PDZRN4: variants seen among roughly 807,000 people sequenced by gnomAD.
PDZRN4 encodes PDZ domain containing ring finger 4, also known as PDZ domain-containing RING finger protein 4.
A neutral mutation model predicts 99.0 loss-of-function variants in PDZRN4; 70 were observed. That is an observed-to-expected ratio of 0.71 (90% CI 0.58 to 0.86). The LOEUF (loss-of-function observed/expected upper bound fraction) is 0.86, where lower values mean the gene tolerates loss of function less well. Among genes scored for constraint, PDZRN4 ranks in the 40% least tolerant of loss-of-function variants. The pLI is 0.00. For missense variants in PDZRN4, 1,474 were observed against 1,331.2 expected, an observed-to-expected ratio of 1.11 and a Z score of -1.67; for synonymous variants, 551 against 501.6, an observed-to-expected ratio of 1.10 and a Z score of -1.32.
chr12:41,326,304 G>A (rs548559910), intron 3 of PDZRN4, among the ~76,000 whole-genome samples: 72 of 152,088 alleles, frequency 4.7e-4, no homozygotes, highest in African/African-American at 1.7e-3. Flanking sequence ...GACCATAACC[G>A]GTAGCAATGC....
In PDZRN4 at chr12:41,302,935, T is replaced by TACACAC. The variant is rs71846165; in HGVS notation, c.843+108770_843+108775dup. Among the ~76,000 whole-genome samples the TACACAC allele has an allele frequency of 7.5e-3, 959 of 127,220 alleles. 5 individuals carry two copies. Among genetic ancestry groups the TACACAC allele is most frequent in the African/African-American group, 0.011 (436 of 39,168 alleles). The allele number at this position is 127,220 out of a possible 152,430, so 83.5% of individuals were successfully genotyped here. Reference sequence around the variant, plus strand: ...CCTGATTTCATATATATATATAAAATACACACACACACACACACACACACA... The same window carrying TACACAC: ...CCTGATTTCATATATATATATAAAATACACACACACACACACACACACACACACACA... On this transcript the variant is annotated intron_variant, in intron 3 of 9. Transcript: ENST00000402685.
intron 3 of PDZRN4, among the ~76,000 whole-genome samples, chr12:41,383,495 C>T (rs1300744411): frequency 1.3e-5 from 2 of 152,168 alleles, no homozygotes; most frequent in African/African-American, 4.8e-5. Context: ...ACTGAGTTTT[C>T]ATGATTAGCA....
chr12:41,253,228 C>CA (rs112788919), intron 3 of PDZRN4, among the ~76,000 whole-genome samples: 4,635 of 152,146 alleles, frequency 0.03, 118 homozygotes, highest in East Asian at 0.076. Flanking sequence ...AAGTCTTACA[C>CA]AAAAAAATCT....
At chr12:41,422,909 C>T (rs766047079) in intron 3 of PDZRN4, among the ~76,000 whole-genome samples, 1 of 152,014 alleles carries the variant, frequency 6.6e-6, no homozygotes, top group Admixed American at 6.6e-5. Flanking sequence ...GGCATTTATC[C>T]AAGACACTTG....
chr12:41,542,824 T>C (rs1478571909), intron 5 of PDZRN4, among the ~76,000 whole-genome samples: 2 of 152,184 alleles, frequency 1.3e-5, no homozygotes, highest in Non-Finnish European at 2.9e-5. Context: ...TGTTTTTTTT[T>C]CTAAAAAATC....
intron 3 of PDZRN4, among the ~76,000 whole-genome samples, chr12:41,469,004 G>T (rs1402467936): frequency 1.8e-5 from 2 of 108,318 alleles, no homozygotes; most frequent in Non-Finnish European, 3.7e-5. Context: ...GCAAGATTCT[G>T]TCTCAAAAAA....
At chr12:41,218,688 T>G (rs1482167953) in intron 3 of PDZRN4, among the ~76,000 whole-genome samples, 2 of 152,112 alleles carry the variant, frequency 1.3e-5, no homozygotes, top group Non-Finnish European at 2.9e-5. Flanking sequence ...TTAAAAATCA[T>G]TAACTGCAAC....
intron 3 of PDZRN4, among the ~76,000 whole-genome samples, chr12:41,282,627 A>G (rs1046249595): frequency 6.6e-6 from 1 of 152,176 alleles, no homozygotes; most frequent in Non-Finnish European, 1.5e-5. Flanking sequence ...TGGAAATAAA[A>G]CAATCCTCAG....
intron 3 of PDZRN4, among the ~76,000 whole-genome samples, chr12:41,378,564 C>T (rs1952099013): frequency 8.7e-6 from 1 of 114,342 alleles, no homozygotes; most frequent in Admixed American, 1.1e-4. Flanking sequence ...CTCTTATCAC[C>T]TAGACTGGAG....
At chr12:41,201,325 C>T (rs2120664875) in intron 3 of PDZRN4, among the ~76,000 whole-genome samples, 1 of 152,122 alleles carries the variant, frequency 6.6e-6, no homozygotes. Context: ...ATCCTCTACT[C>T]CTGGAAGCCC....
chr12:41,565,935 A>G (rs947923864), intron 8 of PDZRN4, among the ~76,000 whole-genome samples: 5 of 152,160 alleles, frequency 3.3e-5, no homozygotes, highest in Non-Finnish European at 1.5e-5. Context: ...CTTTTCCTGC[A>G]GCTCAGCTCA....
chr12:41,307,457 T>G (rs965708810), intron 3 of PDZRN4, among the ~76,000 whole-genome samples: 1 of 152,182 alleles, frequency 6.6e-6, no homozygotes, highest in African/African-American at 2.4e-5. Context: ...CCTACCTTCA[T>G]GGCCTCATTG....
At chr12:41,373,441 G>C (rs951677471) in intron 3 of PDZRN4, among the ~76,000 whole-genome samples, 4 of 152,132 alleles carry the variant, frequency 2.6e-5, no homozygotes, top group Non-Finnish European at 5.9e-5. Flanking sequence ...CCTACCCTCA[G>C]GGATGCATTC....
intron 3 of PDZRN4, among the ~76,000 whole-genome samples, chr12:41,493,086 G>A (rs755561665): frequency 6.6e-6 from 1 of 152,116 alleles, no homozygotes; most frequent in East Asian, 1.9e-4. Flanking sequence ...TTTTCAGCCC[G>A]ATGATTCTTC....
At chr12:41,305,712 C>T (rs944942390) in intron 3 of PDZRN4, among the ~76,000 whole-genome samples, 2 of 152,156 alleles carry the variant, frequency 1.3e-5, no homozygotes, top group African/African-American at 4.8e-5. Context: ...TCAGCATACA[C>T]ATTTGTTTGT....
At position 41,573,910 on chromosome 12, in the gene PDZRN4, G is replaced by A; in HGVS notation, c.*20G>A. 6.7e-7 allele frequency: 1 copy of A among 1,493,244 alleles called. No individual in the cohort carries two copies. Among genetic ancestry groups the A allele is most frequent in the Non-Finnish European group, 9.0e-7 (1 of 1,113,134 alleles). 92.5% of individuals were successfully genotyped at this position (1,493,244 alleles called of 1,614,324 possible). A position where few individuals can be genotyped will look rare whatever the true frequency, so the allele number is the denominator to read the frequency against. On this transcript the variant is annotated 3_prime_UTR_variant, in exon 10 of 10. Transcript: ENST00000402685. ...GTATGACCGAATGAATGGAATGCAT[G>A]CGACTGATTTTAGGAGGATGCTACC...
intron 3 of PDZRN4, among the ~76,000 whole-genome samples, chr12:41,464,036 T>C (rs1952899142): frequency 6.6e-6 from 1 of 152,150 alleles, no homozygotes; most frequent in South Asian, 2.1e-4. Flanking sequence ...GTGAGTCTAT[T>C]GCGAAGGTTG....
intron 3 of PDZRN4, among the ~76,000 whole-genome samples, chr12:41,240,157 T>C (rs957498339): frequency 6.6e-6 from 1 of 152,206 alleles, no homozygotes; most frequent in Non-Finnish European, 1.5e-5. Flanking sequence ...CTATTATAAT[T>C]GAATTTACAT....
intron 3 of PDZRN4, among the ~76,000 whole-genome samples, chr12:41,318,125 C>A (rs368143905): frequency 9.9e-5 from 15 of 152,228 alleles, no homozygotes; most frequent in African/African-American, 3.4e-4. Flanking sequence ...TAAAAGAGAA[C>A]AGAGCTGCTG....
Sources: gnomAD v4.1 joint callset for allele counts (sites outside exome capture counted in the v4.1 genomes callset) on GRCh38, gnomAD v4.1.1 for gene constraint, MANE v1.5 for transcripts, NCBI Gene and HGNC (gene_info 2026-07-23, HGNC 2026-07-21) for gene names.